SORCS3: variants seen among roughly 807,000 people sequenced by gnomAD.
The protein encoded by SORCS3 is VPS10 domain-containing receptor SorCS3.
A neutral mutation model predicts 146.3 loss-of-function variants in SORCS3; 57 were observed. The ratio of observed to expected loss-of-function variants is 0.39; its 90% CI spans 0.31 to 0.49. The LOEUF (loss-of-function observed/expected upper bound fraction) is 0.49. SORCS3 is among the 20% of genes least tolerant of loss of function. The pLI is 0.92. For synonymous variants in SORCS3, 653 were observed against 618.5 expected (o/e 1.06, Z -0.83); for missense variants, 1,341 against 1,575.5 (o/e 0.85, Z 2.52).
chr10:104,920,420 C>T (rs996935005), intron 3 of SORCS3, among the ~76,000 whole-genome samples: 1 of 152,178 alleles, frequency 6.6e-6, no homozygotes, highest in African/African-American at 2.4e-5. Context: ...AGGTGTTAAC[C>T]TGTGTATAGT....
chr10:104,751,925 ATATAT>A (rs1564675392), intron 1 of SORCS3, among the ~76,000 whole-genome samples: 42 of 9,396 alleles, frequency 4.5e-3, no homozygotes, highest in South Asian at 0.03. Context: ...AATAGGAAGC[ATATAT>A]ATATATATAT....
At chr10:104,768,566 T>C (rs1253516144) in intron 1 of SORCS3, among the ~76,000 whole-genome samples, 3 of 152,198 alleles carry the variant, frequency 2.0e-5, no homozygotes, top group African/African-American at 7.2e-5. Flanking sequence ...TCTTCAATGG[T>C]GTGGTATCCA....
chr10:104,687,146 C>T (rs1229892766), intron 1 of SORCS3, among the ~76,000 whole-genome samples: 1 of 152,190 alleles, frequency 6.6e-6, no homozygotes, highest in African/African-American at 2.4e-5. Context: ...TGCATTCATC[C>T]ATGCATCCAT....
rs146241379 is a variant in SORCS3, at chr10:104,811,734, G to C, written c.628-31058G>C. Among the ~76,000 whole-genome samples, 677 of 152,276 alleles carry C rather than the reference G, an allele frequency of 4.4e-3. 3 individuals are homozygous for C. Among genetic ancestry groups the C allele is most frequent in the African/African-American group, 0.015 (633 of 41,564 alleles). On this transcript the variant is annotated intron_variant, in intron 1 of 26. Coordinates refer to ENST00000369701, the MANE Select transcript of SORCS3 (RefSeq NM_014978.3). ...AGACCAGAGGCTCATTTAGCGGAGC[G>C]GTGCAGGGCAGATGATGGTGGCAGC...
intron 1 of SORCS3, among the ~76,000 whole-genome samples, chr10:104,749,226 G>GGTGTGTGTGTGT (rs60550253): frequency 7.1e-6 from 1 of 140,900 alleles, no homozygotes; most frequent in Admixed American, 7.1e-5. Flanking sequence ...CAAAGTATAG[G>GGTGTGTGTGTGT]GTGTGTGTGT....
intron 15 of SORCS3, among the ~76,000 whole-genome samples, chr10:105,200,558 C>T (rs1441222000): frequency 6.6e-6 from 1 of 152,102 alleles, no homozygotes; most frequent in Non-Finnish European, 1.5e-5. Flanking sequence ...GTAGGTCTAG[C>T]AATGGTAGAT....
intron 3 of SORCS3, among the ~76,000 whole-genome samples, chr10:104,934,140 T>C (rs542999412): frequency 6.6e-6 from 1 of 152,266 alleles, no homozygotes; most frequent in South Asian, 2.1e-4. Flanking sequence ...TTCACTCCTA[T>C]TTTTAACCCC....
chr10:105,043,263 A>G, intron 5 of SORCS3, 135 bp downstream of exon 5: 1 of 733,632 alleles, frequency 1.4e-6, no homozygotes, highest in Non-Finnish European at 2.3e-6. Context: ...AGTGGTTTGT[A>G]GAATAGCAGC....
chr10:105,262,308 G>T, intron 25 of SORCS3, 23 bp from the exon 26 acceptor site: 2 of 1,606,584 alleles, frequency 1.2e-6, no homozygotes, highest in South Asian at 1.1e-5. Flanking sequence ...ATCTTAACCT[G>T]ATTTTGCTCC....
Position 104,952,803 on chromosome 10 carries a change from A to G in SORCS3, c.796-24532A>G, listed in dbSNP as rs143652123. Among the ~76,000 whole-genome samples, 101 of 152,336 alleles carry G rather than the reference A, an allele frequency of 6.6e-4. 1 individual carries two copies. Among genetic ancestry groups the G allele is most frequent in the African/African-American group, 2.2e-3 (90 of 41,582 alleles). ...AGGGAGTAGCTAGAGTTGTGTTAACATGTTATAAATTAACAGGAATGGGAA... is the reference window on the plus strand; with the variant it reads ...AGGGAGTAGCTAGAGTTGTGTTAACGTGTTATAAATTAACAGGAATGGGAA... On this transcript the variant is annotated intron_variant, in intron 3 of 26. Transcript: ENST00000369701.
intron 1 of SORCS3, among the ~76,000 whole-genome samples, chr10:104,724,740 T>G (rs1025522066): frequency 6.6e-6 from 1 of 152,242 alleles, no homozygotes; most frequent in African/African-American, 2.4e-5. Context: ...CTTCCATCAC[T>G]GATACCCTTT....
At chr10:105,248,918 T>C (rs974306115) in intron 22 of SORCS3, among the ~76,000 whole-genome samples, 9 of 152,186 alleles carry the variant, frequency 5.9e-5, no homozygotes, top group Non-Finnish European at 2.9e-5. Context: ...AGTATTCTTT[T>C]TTTTATTTCA....
intron 4 of SORCS3, among the ~76,000 whole-genome samples, chr10:105,022,729 G>T (rs994317894): frequency 5.3e-5 from 8 of 152,120 alleles, no homozygotes; most frequent in Non-Finnish European, 1.2e-4. Flanking sequence ...CATTGTTATT[G>T]TGACCGTGGG....
In SORCS3 at chr10:105,025,453, A is replaced by G. The variant is rs562063638; in HGVS notation, c.955-17602A>G. Among the ~76,000 whole-genome samples the G allele has an allele frequency of 2.0e-5, 3 of 152,256 alleles. No homozygotes were observed. In the East Asian group the frequency reaches 5.8e-4, roughly 29 times the overall value. On this transcript the variant is annotated intron_variant, in intron 4 of 26. Coordinates refer to ENST00000369701, the MANE Select transcript of SORCS3 (RefSeq NM_014978.3). ...CCTTTCTTCCCAAGGAGATTCTAGA[A>G]GCAATTTAATCATCAGCTGAACCAC...
intron 6 of SORCS3, among the ~76,000 whole-genome samples, chr10:105,103,446 A>T (rs1272933939): frequency 6.6e-6 from 1 of 152,190 alleles, no homozygotes; most frequent in Admixed American, 6.5e-5. Flanking sequence ...GGCTTTAGAG[A>T]TGCCTTTGGC....
At chr10:104,978,788 A>G (rs59261532) in intron 4 of SORCS3, among the ~76,000 whole-genome samples, 9,011 of 152,268 alleles carry the variant, frequency 0.059, 261 homozygotes, top group African/African-American at 0.074. Context: ...AATATTTCCC[A>G]AATATAATGA....
chr10:104,830,981 T>A (rs909495766), intron 1 of SORCS3, among the ~76,000 whole-genome samples: 1 of 152,054 alleles, frequency 6.6e-6, no homozygotes, highest in Middle Eastern at 3.2e-3. Flanking sequence ...CCAGCTAATT[T>A]TTTTTAATTA....
intron 1 of SORCS3, among the ~76,000 whole-genome samples, chr10:104,836,725 G>T (rs2018071876): frequency 6.6e-6 from 1 of 151,938 alleles, no homozygotes; most frequent in African/African-American, 2.4e-5. Context: ...TTTGTGCCTT[G>T]TTTCCCACCT....
chr10:105,009,641 T>C (rs1382444724), intron 4 of SORCS3, among the ~76,000 whole-genome samples: 1 of 151,970 alleles, frequency 6.6e-6, no homozygotes, highest in South Asian at 2.1e-4. Flanking sequence ...TCTGTTAGAG[T>C]TATTGATTAA....
Sources: allele counts gnomAD v4.1 joint callset (sites outside exome capture counted in the v4.1 genomes callset), GRCh38; gene constraint gnomAD v4.1.1; transcripts MANE v1.5; gene names NCBI Gene and HGNC (gene_info 2026-07-23, HGNC 2026-07-21).